The following ZNF649 variants were observed in gnomAD, a reference collection of about 807,000 sequenced individuals.
ZNF649 encodes zinc finger protein 649.
ZNF649 carries 7 observed loss-of-function variants against 14.1 expected under a neutral mutation model. The ratio of observed to expected loss-of-function variants is 0.49; its 90% CI spans 0.28 to 0.93. ZNF649 has a LOEUF of 0.93. Among genes scored for constraint, ZNF649 ranks in the 40% least tolerant of loss-of-function variants. The pLI, the probability that ZNF649 is intolerant of heterozygous loss-of-function variation, is 0.10. For missense variants in ZNF649, 544 were observed against 608.1 expected (o/e 0.89, Z 1.11); for synonymous variants, 227 against 212.3 (o/e 1.07, Z -0.60).
chr19:51,902,931 G>T (rs1399810671), intron 1 of ZNF649, among the ~76,000 whole-genome samples: 1 of 152,040 alleles, frequency 6.6e-6, no homozygotes, highest in Non-Finnish European at 1.5e-5. Context: ...CTACTAGAGC[G>T]ATGTGAAAAT....
In ZNF649 at chr19:51,889,721, G is replaced by A. The variant is rs1490201227; in HGVS notation, c.*897C>T. ...AATGATGTATGCTATAAAATCTCAA[G>A]GAATCAAATGACAAGGATTTACAGT... is the stretch of plus-strand genomic sequence containing the variant. On this transcript the variant is annotated 3_prime_UTR_variant, in exon 5 of 5. Transcript: ENST00000354957. The A allele has an allele frequency of 5.9e-5, 9 of 152,108 alleles. No individual in the cohort carries two copies. In the East Asian group the frequency reaches 1.5e-3, roughly 26 times the overall value. 9.4% of individuals were successfully genotyped at this position (152,108 alleles called of 1,614,324 possible). A position where few individuals can be genotyped will look rare whatever the true frequency, so the allele number is the denominator to read the frequency against.
chr19:51,897,192 A>G (rs915501346), intron 2 of ZNF649: 11 of 557,660 alleles, frequency 2.0e-5, no homozygotes, highest in Non-Finnish European at 3.1e-5. Flanking sequence ...GTTACTCTGT[A>G]TAAGCGAGTT....
chr19:51,891,249 CCA>C lies in ZNF649; in HGVS notation c.885_886del (p.Cys295TrpfsTer27). On this transcript the variant is annotated frameshift_variant, in exon 5 of 5. Transcript: ENST00000354957. LOFTEE classifies it low-confidence loss of function (END_TRUNC). The surrounding 1 kb of genome is among the most constrained non-coding windows in gnomAD (Gnocchi z 4.2). The stretch of plus-strand genomic sequence containing the variant: ...TAGTGATTTTCTGGAGAAAGCTCTC[CCA>C]CATTCGCTGCATTGATGGGGCTTAA... 6.2e-7 allele frequency: 1 copy of C among 1,614,192 alleles called. No individual in the cohort carries two copies. Among genetic ancestry groups the C allele is most frequent in the East Asian group, 2.2e-5 (1 of 44,876 alleles).
chr19:51,897,165 T>A, intron 2 of ZNF649, 187 bp from the exon 3 acceptor site: 1 of 688,800 alleles, frequency 1.5e-6, no homozygotes, highest in Non-Finnish European at 2.4e-6. Context: ...ACAGTTGGCC[T>A]AGTGGAATCT....
rs577129945 is a variant in ZNF649 at position 51,891,834 on chromosome 19, G to A, written c.302C>T (p.Thr101Met). ...TCTTCCGTGTTCATAGCGTTGTCCC[G>A]TCCTCTTCAGTATTTTTTGGTTTTG... ...PLQNQKILKRTGQRYEHGRTL... is the reference protein window; with the variant it reads ...PLQNQKILKRMGQRYEHGRTL... The change falls in exon 5 of 5, where the codon ACG (threonine) becomes ATG (methionine). Residue 101 changes from threonine (T) to methionine (M), a missense_variant. Transcript: ENST00000354957. The surrounding 1 kb of genome is among the most constrained non-coding windows in gnomAD (Gnocchi z 4.2). The A allele has an allele frequency of 3.0e-5, 47 of 1,590,712 alleles. No homozygotes were observed. Among genetic ancestry groups the A allele is most frequent in the African/African-American group, 1.4e-4 (10 of 73,162 alleles).
At chr19:51,896,379 T>C in intron 4 of ZNF649, 93 bp downstream of exon 4, 2 of 1,110,050 alleles carry the variant, frequency 1.8e-6, no homozygotes, top group South Asian at 1.3e-5. Flanking sequence ...TGTTTCTGTC[T>C]CCCTAGACAC....
rs2122753679 is a variant in ZNF649, at chr19:51,890,483, GAT to G, written c.*133_*134del. ...GTGGGAGGGGTAGTGAGGTTTATAAGATATAAAAAAGTAAAATATATTTCATA... is the reference window on the plus strand; with the variant it reads ...GTGGGAGGGGTAGTGAGGTTTATAAGATAAAAAAGTAAAATATATTTCATA... On this transcript the variant is annotated 3_prime_UTR_variant, in exon 5 of 5. Transcript: ENST00000354957. The G allele has an allele frequency of 1.6e-6, 1 of 611,478 alleles. No homozygotes were observed. Among genetic ancestry groups the G allele is most frequent in the Non-Finnish European group, 2.8e-6 (1 of 353,596 alleles). The allele number at this position is 611,478 out of a possible 1,614,324, so 37.9% of individuals were successfully genotyped here.
rs200720673 is a variant in ZNF649 at position 51,900,084 on chromosome 19, A to G, written c.15+9T>C. On this transcript the variant is annotated intron_variant, in intron 2 of 4. Coordinates refer to ENST00000354957, the MANE Select transcript of ZNF649 (RefSeq NM_023074.4). ...AATCGAGTTAAGAATAAAACAAACC[A>G]AAAGTTACCTGGGCCTTTGTCATTT... The G allele has an allele frequency of 7.2e-6, 11 of 1,526,392 alleles. No individual in the cohort carries two copies. In the East Asian group the frequency reaches 2.6e-4, roughly 36 times the overall value. 94.6% of individuals were successfully genotyped at this position (1,526,392 alleles called of 1,614,324 possible). A position where few individuals can be genotyped will look rare whatever the true frequency, so the allele number is the denominator to read the frequency against.
intron 3 of ZNF649, 136 bp from the exon 4 acceptor site, chr19:51,896,703 G>A: frequency 6.4e-7 from 1 of 1,574,190 alleles, no homozygotes; most frequent in Non-Finnish European, 8.7e-7. Context: ...TAAGACGAAG[G>A]AAGATTATGC....
At chr19:51,904,451 T>A (rs1226368619) in intron 1 of ZNF649, among the ~76,000 whole-genome samples, 4 of 151,930 alleles carry the variant, frequency 2.6e-5, no homozygotes, top group Non-Finnish European at 5.9e-5. Context: ...GGCCTGGGCT[T>A]GTAAAATACC....
chr19:51,900,148 C>A lies in ZNF649; in HGVS notation c.-41G>T. 1 of 1,475,562 alleles carries A rather than the reference C, an allele frequency of 6.8e-7. No individual in the cohort carries two copies. The highest frequency in any genetic ancestry group is 1.6e-5 in the South Asian group (1 of 63,768). 91.4% of individuals were successfully genotyped at this position (1,475,562 alleles called of 1,614,324 possible). A position where few individuals can be genotyped will look rare whatever the true frequency, so the allele number is the denominator to read the frequency against. ...GAAATACCCAAGAACTGGGATGCTT[C>A]GTCTTTGGTTTCTTCTGGATCCTCC... On this transcript the variant is annotated 5_prime_UTR_variant, in exon 2 of 5. Transcript: ENST00000354957.
At position 51,901,628 on chromosome 19, in the gene ZNF649, G is replaced by A. The variant is rs370015494; in HGVS notation, c.-187-1334C>T. Among the ~76,000 whole-genome samples, 90 of 151,906 alleles carry A rather than the reference G, an allele frequency of 5.9e-4. 1 individual carries two copies. The highest frequency in any genetic ancestry group is 2.1e-3 in the African/African-American group (86 of 41,320). Reference sequence around the variant, plus strand: ...CCACTGCACTCTAGCCTGGGCAACAGAGCAAGACCCTGTCTCTTAAAAATA... The same window carrying A: ...CCACTGCACTCTAGCCTGGGCAACAAAGCAAGACCCTGTCTCTTAAAAATA... On this transcript the variant is annotated intron_variant, in intron 1 of 4. Transcript: ENST00000354957.
At chr19:51,902,432 T>G (rs1343505267) in intron 1 of ZNF649, among the ~76,000 whole-genome samples, 2 of 152,190 alleles carry the variant, frequency 1.3e-5, no homozygotes, top group Non-Finnish European at 1.5e-5. Context: ...TCACACGGCC[T>G]CCTCCTCAGG....
At chr19:51,900,487 G>A (rs1245058206) in intron 1 of ZNF649, 193 bp from the exon 2 acceptor site, 1 of 193,466 alleles carries the variant, frequency 5.2e-6, no homozygotes, top group East Asian at 1.2e-4. Flanking sequence ...ATGGCAGTGG[G>A]CTTAACCAGG....
At chr19:51,892,815 GAT>G (rs758944005) in intron 4 of ZNF649, among the ~76,000 whole-genome samples, 4 of 152,142 alleles carry the variant, frequency 2.6e-5, no homozygotes, top group Non-Finnish European at 5.9e-5. Flanking sequence ...GTAGCAATAA[GAT>G]ACCAAACTAT....
chr19:51,896,357 A>G, intron 4 of ZNF649, 115 bp downstream of exon 4: 1 of 838,472 alleles, frequency 1.2e-6, no homozygotes, highest in Non-Finnish European at 2.0e-6. Flanking sequence ...GGGGAGAAGA[A>G]GATGTGGCAG....
intron 1 of ZNF649, chr19:51,904,260 C>A (rs759361111): frequency 1.3e-4 from 20 of 152,276 alleles, no homozygotes; most frequent in African/African-American, 4.8e-4. Flanking sequence ...AAATTTAATT[C>A]GGCTTCAATT....
chr19:51,890,480 TAA>T lies in ZNF649; in HGVS notation c.*136_*137del. The T allele has an allele frequency of 1.6e-6, 1 of 607,926 alleles. No homozygotes were observed. The highest frequency in any genetic ancestry group is 2.2e-5 in the South Asian group (1 of 46,410). 37.7% of individuals were successfully genotyped at this position (607,926 alleles called of 1,614,324 possible). The stretch of plus-strand genomic sequence containing the variant: ...ATTGTGGGAGGGGTAGTGAGGTTTA[TAA>T]GATATAAAAAAGTAAAATATATTTC... On this transcript the variant is annotated 3_prime_UTR_variant, in exon 5 of 5. Transcript: ENST00000354957.
At chr19:51,893,628 C>T (rs1216648069) in intron 4 of ZNF649, among the ~76,000 whole-genome samples, 1 of 152,220 alleles carries the variant, frequency 6.6e-6, no homozygotes, top group African/African-American at 2.4e-5. Context: ...CCTCTCCACA[C>T]AGCTCTGCCA....
Sources: gnomAD v4.1 joint callset for allele counts (sites outside exome capture counted in the v4.1 genomes callset) on GRCh38, gnomAD v4.1.1 for gene constraint, Gnocchi (gnomAD v3.1) non-coding constraint, MANE v1.5 for transcripts, NCBI Gene and HGNC (gene_info 2026-07-23, HGNC 2026-07-21) for gene names.